POGZ: variants seen among roughly 807,000 people sequenced by gnomAD.
The protein encoded by POGZ is pogo transposable element derived with ZNF domain, also known as pogo transposable element with ZNF domain.
POGZ carries 17 observed loss-of-function variants against 134.6 expected under a neutral mutation model. The observed-to-expected ratio is 0.13, with a 90% CI of 0.09 to 0.19. The LOEUF is 0.19. POGZ is among the 10% of genes least tolerant of loss of function. The pLI is 1.00. For missense variants in POGZ, 1,306 were observed against 1,769.7 expected (o/e 0.74, Z 4.70); for synonymous variants, 693 against 657.1 (o/e 1.05, Z -0.84).
intron 10 of POGZ, among the ~76,000 whole-genome samples, chr1:151,420,898 C>T (rs963649281): frequency 3.3e-5 from 5 of 150,972 alleles, no homozygotes; most frequent in South Asian, 2.1e-4. Context: ...CAGTAGACGC[C>T]CTTTGCCAAT....
chr1:151,435,898 T>A (rs914795818), intron 3 of POGZ, among the ~76,000 whole-genome samples: 7 of 152,060 alleles, frequency 4.6e-5, no homozygotes, highest in African/African-American at 1.4e-4. Context: ...GATTTTTTTT[T>A]ATATTCCCAA....
At chr1:151,454,336 C>T (rs1050572597) in intron 1 of POGZ, among the ~76,000 whole-genome samples, 1 of 152,108 alleles carries the variant, frequency 6.6e-6, no homozygotes, top group Admixed American at 6.6e-5. Flanking sequence ...AGGACTAATA[C>T]CAGAAAACCT....
At chr1:151,458,770 G>C (rs1487661704) in intron 1 of POGZ, among the ~76,000 whole-genome samples, 1 of 145,224 alleles carries the variant, frequency 6.9e-6, no homozygotes. Context: ...CCGAGCGTGC[G>C]TGTGGACGTC....
chr1:151,459,359 T>C lies in POGZ; in HGVS notation c.-209A>G, dbSNP rs1663233520. ...GTTCGAGTGATTCGGGGTGGATTTT[T>C]TTCCCGAGGGGGGCGGGGGGGCCCC... is the stretch of plus-strand genomic sequence containing the variant. On this transcript the variant is annotated 5_prime_UTR_variant, in exon 1 of 19. Coordinates refer to ENST00000271715, the MANE Select transcript of POGZ (RefSeq NM_015100.4). 1.5e-5 allele frequency: 2 copies of C among 136,940 alleles called. No individual in the cohort carries two copies. The highest frequency in any genetic ancestry group is 7.4e-5 in the Admixed American group (1 of 13,500). 8.5% of individuals were successfully genotyped at this position (136,940 alleles called of 1,614,324 possible). A position where few individuals can be genotyped will look rare whatever the true frequency, so the allele number is the denominator to read the frequency against.
Position 151,425,000 on chromosome 1 carries a change from A to G in POGZ, c.1140T>C (p.Cys380=), listed in dbSNP as rs754985068. ...CTTCAGTAACACGAAATTGAGCATT[A>G]CATCGTGGACATATTTTCCGTCCAC... is the stretch of plus-strand genomic sequence containing the variant. ...QDGGRKICPR[C]NAQFRVTEAL... Residue 380 remains cysteine (C), a synonymous_variant, in exon 8 of 19, where the codon TGT becomes TGC. Transcript: ENST00000271715. 1.3e-6 allele frequency: 2 copies of G among 1,598,880 alleles called. No individual in the cohort carries two copies. The highest frequency in any genetic ancestry group is 1.7e-6 in the Non-Finnish European group (2 of 1,169,656).
intron 1 of POGZ, among the ~76,000 whole-genome samples, chr1:151,450,454 G>A (rs1281138083): frequency 6.6e-6 from 1 of 152,122 alleles, no homozygotes; most frequent in Non-Finnish European, 1.5e-5. Flanking sequence ...TTGGGCTCAA[G>A]CAATCCTCCC....
intron 10 of POGZ, among the ~76,000 whole-genome samples, chr1:151,420,807 T>C (rs1053720166): frequency 9.2e-5 from 14 of 152,264 alleles, no homozygotes; most frequent in South Asian, 4.1e-4. Context: ...ATTTTAAATT[T>C]TGAGTTCATG....
In POGZ at chr1:151,409,564, T is replaced by G. The variant is rs1361882256; in HGVS notation, c.1927-736A>C. On this transcript the variant is annotated intron_variant, in intron 12 of 18. Coordinates refer to ENST00000271715, the MANE Select transcript of POGZ (RefSeq NM_015100.4). ...GTTGCCCAGGCTGGTCTTCAACTCC[T>G]GGGTTCAAGTGATCTACCTGCCTTG... 2.0e-5 allele frequency among the ~76,000 whole-genome samples: 3 copies of G among 152,210 alleles called. No homozygotes were observed. The South Asian group carries it at 6.2e-4, about 32-fold the overall frequency.
At chr1:151,413,917 C>G (rs1390025341) in intron 10 of POGZ, among the ~76,000 whole-genome samples, 1 of 152,142 alleles carries the variant, frequency 6.6e-6, no homozygotes, top group Non-Finnish European at 1.5e-5. Context: ...GAACAGGCCT[C>G]TAGGAATCCA....
At position 151,442,138 on chromosome 1, in the gene POGZ, C is replaced by A; in HGVS notation, c.67G>T (p.Asp23Tyr). The A allele has an allele frequency of 6.2e-7, 1 of 1,610,072 alleles. No homozygotes were observed. The highest frequency in any genetic ancestry group is 8.5e-7 in the Non-Finnish European group (1 of 1,176,322). The change falls in exon 2 of 19, where the codon GAT becomes TAT. Residue 23 changes from aspartate to tyrosine, a missense_variant. Physicochemically the swap from Asp to Tyr is radical, Grantham distance 160. Transcript: ENST00000271715. ...EELEPWQKIS[D>Y]VIEDSVVEDY... ...TCAACTACAGAGTCCTCAATGACATCACTGATTTTCTGCCATGGCTCCAAC... is the reference window on the plus strand; with the variant it reads ...TCAACTACAGAGTCCTCAATGACATAACTGATTTTCTGCCATGGCTCCAAC...
Position 151,403,786 on chromosome 1 carries a change from G to A in POGZ, c.*1016C>T, listed in dbSNP as rs774327604. 6.1e-6 allele frequency: 6 copies of A among 985,514 alleles called. No homozygotes were observed. Among genetic ancestry groups the A allele is most frequent in the Non-Finnish European group, 7.2e-6 (6 of 829,876 alleles). The allele number at this position is 985,514 out of a possible 1,614,324, so 61.0% of individuals were successfully genotyped here. A position where few individuals can be genotyped will look rare whatever the true frequency, so the allele number is the denominator to read the frequency against. ...ACACTTCTTGAACAATTAGCTCCTGGCTGTAGGACCAGTAATCCCTTAAAC... is the reference window on the plus strand; with the variant it reads ...ACACTTCTTGAACAATTAGCTCCTGACTGTAGGACCAGTAATCCCTTAAAC... On this transcript the variant is annotated 3_prime_UTR_variant, in exon 19 of 19. Coordinates refer to ENST00000271715, the MANE Select transcript of POGZ (RefSeq NM_015100.4).
intron 12 of POGZ, 66 bp downstream of exon 12, chr1:151,411,559 G>T: frequency 8.6e-7 from 1 of 1,157,828 alleles, no homozygotes; most frequent in South Asian, 1.5e-5. Context: ...CTCAGCCCTG[G>T]CCCCAGCATC....
chr1:151,415,592 AC>A (rs1308983911), intron 10 of POGZ, among the ~76,000 whole-genome samples: 1 of 150,098 alleles, frequency 6.7e-6, no homozygotes, highest in Non-Finnish European at 1.5e-5. Context: ...AATGGCGTGA[AC>A]CCAGGAGACA....
At chr1:151,425,270 C>A in intron 7 of POGZ, 2 of 418,040 alleles carry the variant, frequency 4.8e-6, no homozygotes, top group Non-Finnish European at 9.1e-6. Flanking sequence ...GGCACGACCA[C>A]AGCTCACTGC....
intron 1 of POGZ, among the ~76,000 whole-genome samples, chr1:151,448,399 T>C (rs1382325382): frequency 1.3e-5 from 2 of 151,874 alleles, no homozygotes; most frequent in African/African-American, 4.8e-5. Context: ...ATTACCTGAG[T>C]TCAGGAGTTC....
At chr1:151,433,949 C>A (rs1659159824) in intron 3 of POGZ, among the ~76,000 whole-genome samples, 1 of 152,146 alleles carries the variant, frequency 6.6e-6, no homozygotes, top group African/African-American at 2.4e-5. Context: ...GAGGCTGAAG[C>A]AGGTGGATCA....
At position 151,403,231 on chromosome 1, in the gene POGZ, G is replaced by C. The variant is rs1653023896; in HGVS notation, c.*1571C>G. ...AAACAAACAAACAAAAAAGCAGGGT[G>C]GGGTGGGAGAAATGGGTGGTAACAA... is the stretch of plus-strand genomic sequence containing the variant. On this transcript the variant is annotated 3_prime_UTR_variant, in exon 19 of 19. Transcript: ENST00000271715. 3 of 985,596 alleles carry C rather than the reference G, an allele frequency of 3.0e-6. No individual in the cohort carries two copies. The African/African-American group carries it at 5.2e-5, about 17-fold the overall frequency. 61.1% of individuals were successfully genotyped at this position (985,596 alleles called of 1,614,324 possible). A position where few individuals can be genotyped will look rare whatever the true frequency, so the allele number is the denominator to read the frequency against.
At chr1:151,424,461 C>T (rs1211729774) in intron 8 of POGZ, 175 bp from the exon 9 acceptor site, 1 of 524,802 alleles carries the variant, frequency 1.9e-6, no homozygotes, top group East Asian at 3.0e-5. Flanking sequence ...AGTATATCCA[C>T]ATATGCCACC....
chr1:151,450,273 C>T (rs1661883946), intron 1 of POGZ, among the ~76,000 whole-genome samples: 2 of 151,926 alleles, frequency 1.3e-5, no homozygotes, highest in East Asian at 1.9e-4. Context: ...CTCAGGTGAT[C>T]CACCTGCCTT....
Sources: allele counts gnomAD v4.1 joint callset (sites outside exome capture counted in the v4.1 genomes callset), GRCh38; gene constraint gnomAD v4.1.1; transcripts MANE v1.5; gene names NCBI Gene and HGNC (gene_info 2026-07-23, HGNC 2026-07-21).